TMCO5A: variants seen among roughly 807,000 people sequenced by gnomAD.
TMCO5A encodes transmembrane and coiled-coil domains 5A, also known as transmembrane and coiled-coil domain-containing protein 5A.
In TMCO5A, 34 loss-of-function variants were observed where a neutral mutation model predicts 42.3. The observed-to-expected ratio is 0.80, with a 90% CI of 0.61 to 1.07. The LOEUF (loss-of-function observed/expected upper bound fraction) is 1.07, where lower values mean the gene tolerates loss of function less well. Among genes scored for constraint, TMCO5A ranks in the 50% least tolerant of loss-of-function variants. The pLI is 0.00. For synonymous variants in TMCO5A, 131 were observed against 115.6 expected, an observed-to-expected ratio of 1.13 and a Z score of -0.86; for missense variants, 357 against 327.9, an observed-to-expected ratio of 1.09 and a Z score of -0.69.
chr15:37,957,084 C>A (rs568470778), intron 11 of TMCO5A, among the ~76,000 whole-genome samples: 6 of 152,166 alleles, frequency 3.9e-5, no homozygotes, highest in Non-Finnish European at 7.4e-5. Context: ...ATTGATGGAA[C>A]ATTTCTCAAA....
chr15:38,013,376 T>C, the TMCO5A span, among the ~76,000 whole-genome samples: 1 of 152,146 alleles, frequency 6.6e-6, no homozygotes, highest in Non-Finnish European at 1.5e-5. Flanking sequence ...TGTTCCTCTA[T>C]TGCCATCTAC....
At chr15:38,008,096 C>G in the TMCO5A span, among the ~76,000 whole-genome samples, 1 of 151,530 alleles carries the variant, frequency 6.6e-6, no homozygotes, top group Non-Finnish European at 1.5e-5. Flanking sequence ...GGGGTTTCAC[C>G]ATGTTAGCCG....
the TMCO5A span, among the ~76,000 whole-genome samples, chr15:38,000,276 A>G: frequency 1.3e-5 from 2 of 152,080 alleles, no homozygotes; most frequent in African/African-American, 4.8e-5. Flanking sequence ...GAATTTAACC[A>G]TTTCTTTAGG....
the TMCO5A span, among the ~76,000 whole-genome samples, chr15:38,011,095 C>A: frequency 6.6e-6 from 1 of 152,188 alleles, no homozygotes; most frequent in African/African-American, 2.4e-5. Context: ...ACTTAAACAG[C>A]AAATGTGTTA....
chr15:37,971,176 T>C (rs781392684), downstream of TMCO5A, among the ~76,000 whole-genome samples: 1 of 152,188 alleles, frequency 6.6e-6, no homozygotes, highest in Non-Finnish European at 1.5e-5. Flanking sequence ...CCATACAACC[T>C]CTGAAATCTA....
At chr15:37,991,190 C>A in the TMCO5A span, among the ~76,000 whole-genome samples, 7 of 152,188 alleles carry the variant, frequency 4.6e-5, no homozygotes, top group East Asian at 1.4e-3. Flanking sequence ...TTGCTGAGAT[C>A]TTTATTTCTC....
the TMCO5A span, among the ~76,000 whole-genome samples, chr15:37,989,164 C>T: frequency 6.6e-6 from 1 of 151,808 alleles, no homozygotes; most frequent in African/African-American, 2.4e-5. Flanking sequence ...ATTTTTGTAG[C>T]ATCAATAATA....
the TMCO5A span, among the ~76,000 whole-genome samples, chr15:38,029,172 G>C: frequency 6.6e-6 from 1 of 152,100 alleles, no homozygotes; most frequent in African/African-American, 2.4e-5. Context: ...AGAGTAAAAA[G>C]AGGCATATGG....
chr15:38,031,067 C>A, the TMCO5A span, among the ~76,000 whole-genome samples: 19 of 152,260 alleles, frequency 1.2e-4, no homozygotes, highest in African/African-American at 4.6e-4. Context: ...AAAGCTCCAC[C>A]ATAAATATTG....
intron 8 of TMCO5A, 30 bp downstream of exon 8, chr15:37,941,760 G>A (rs780624374): frequency 3.2e-6 from 5 of 1,566,294 alleles, no homozygotes; most frequent in Non-Finnish European, 4.4e-6. Flanking sequence ...GGATAGCAAA[G>A]GGTTTATTAA....
chr15:37,952,287 C>G (rs1478883740), downstream of TMCO5A, among the ~76,000 whole-genome samples: 1 of 152,068 alleles, frequency 6.6e-6, no homozygotes, highest in Non-Finnish European at 1.5e-5. Flanking sequence ...TAATCCCAGG[C>G]AGCACAGCTC....
At chr15:38,015,136 G>T in the TMCO5A span, among the ~76,000 whole-genome samples, 2 of 151,834 alleles carry the variant, frequency 1.3e-5, no homozygotes, top group African/African-American at 4.8e-5. Context: ...GTGTCCACCA[G>T]ATTAAGGGTG....
At chr15:38,022,509 C>T in the TMCO5A span, among the ~76,000 whole-genome samples, 2,819 of 152,104 alleles carry the variant, frequency 0.019, 95 homozygotes, top group African/African-American at 0.065. Flanking sequence ...GAAGAGAGGA[C>T]TAGGCAGAGC....
the TMCO5A span, among the ~76,000 whole-genome samples, chr15:38,039,381 A>G: frequency 6.6e-6 from 1 of 152,240 alleles, no homozygotes; most frequent in Non-Finnish European, 1.5e-5. Flanking sequence ...AACATAAGCT[A>G]TATTAGGGCA....
downstream of TMCO5A, among the ~76,000 whole-genome samples, chr15:37,969,052 A>G (rs554378869): frequency 1.1e-4 from 17 of 152,328 alleles, no homozygotes; most frequent in South Asian, 3.5e-3. Context: ...GAAGGTGGGA[A>G]GGAGAGACAG....
the TMCO5A span, among the ~76,000 whole-genome samples, chr15:37,980,466 C>T: frequency 6.6e-6 from 1 of 152,078 alleles, no homozygotes; most frequent in Admixed American, 6.5e-5. Context: ...GGGTAGCTGT[C>T]CTGTCTCTCT....
exon 12 of TMCO5A, chr15:37,967,319 A>C (rs1890580364): frequency 6.6e-6 from 1 of 152,226 alleles, no homozygotes; most frequent in African/African-American, 2.4e-5. Flanking sequence ...GTAAGGTTTT[A>C]GGTCTAAAAG....
the TMCO5A span, among the ~76,000 whole-genome samples, chr15:38,026,723 G>T: frequency 6.6e-6 from 1 of 152,218 alleles, no homozygotes; most frequent in African/African-American, 2.4e-5. Flanking sequence ...AGGCCTGAGA[G>T]AAAATGGTTT....
the TMCO5A span, among the ~76,000 whole-genome samples, chr15:38,027,124 T>C: frequency 6.6e-6 from 1 of 152,062 alleles, no homozygotes; most frequent in Non-Finnish European, 1.5e-5. Flanking sequence ...GCCACTGTCC[T>C]CCAGACCCCA....
Sources: allele counts gnomAD v4.1 joint callset (sites outside exome capture counted in the v4.1 genomes callset), GRCh38; gene constraint gnomAD v4.1.1; transcripts MANE v1.5; gene names NCBI Gene and HGNC (gene_info 2026-07-23, HGNC 2026-07-21).